Variants in WNT5B observed in about 807,000 individuals in gnomAD.
The protein encoded by WNT5B is protein Wnt-5b.
WNT5B carries 18 observed loss-of-function variants against 36.5 expected under a neutral mutation model. The ratio of observed to expected loss-of-function variants is 0.49; its 90% CI spans 0.34 to 0.73. WNT5B has a LOEUF of 0.73. Among genes scored for constraint, WNT5B ranks in the 30% least tolerant of loss-of-function variants. The pLI, the probability that WNT5B is intolerant of heterozygous loss-of-function variation, is 0.01. For synonymous variants in WNT5B, 213 were observed against 212.3 expected, an observed-to-expected ratio of 1.00 and a Z score of -0.03; for missense variants, 424 against 508.4, an observed-to-expected ratio of 0.83 and a Z score of 1.60.
At position 1,646,156 on chromosome 12, in the gene WNT5B, C is replaced by T. The variant is rs374148886; in HGVS notation, c.984C>T (p.Ser328=). The T allele has an allele frequency of 2.0e-5, 33 of 1,613,776 alleles. No individual in the cohort carries two copies. The highest frequency in any genetic ancestry group is 1.6e-4 in the East Asian group (7 of 44,890). ...GGCGTGGCTACAACCAGTTCAAGAG[C>T]GTGCAGGTGGAGCGCTGCCACTGCA... is the stretch of plus-strand genomic sequence containing the variant. ...CCGRGYNQFK[S]VQVERCHCKF... is the part of the protein sequence containing the mutation. Residue 328 remains serine, a synonymous_variant, in exon 5 of 5, where the codon AGC becomes AGT. Transcript: ENST00000397196.
chr12:1,642,576 C>T (rs965192783), intron 4 of WNT5B, among the ~76,000 whole-genome samples: 1 of 152,156 alleles, frequency 6.6e-6, no homozygotes, highest in African/African-American at 2.4e-5. Flanking sequence ...GTTGCCTCCT[C>T]GGGAGAGGTC....
chr12:1,642,289 C>T (rs962500541), intron 4 of WNT5B, among the ~76,000 whole-genome samples: 4 of 152,154 alleles, frequency 2.6e-5, no homozygotes, highest in Non-Finnish European at 4.4e-5. Flanking sequence ...GGTTAAGATC[C>T]GCACTTTATC....
rs1432069859 is a variant in WNT5B, at chr12:1,618,979, G to C, written c.-58+1836G>C. Among the ~76,000 whole-genome samples, 6 of 152,138 alleles carry C rather than the reference G, an allele frequency of 3.9e-5. No individual in the cohort carries two copies. Among genetic ancestry groups the C allele is most frequent in the African/African-American group, 1.4e-4 (6 of 41,438 alleles). On this transcript the variant is annotated intron_variant, in intron 1 of 4. Transcript: ENST00000310594. This position sits in a 1 kb window ranked among gnomAD's most constrained non-coding sequence, Gnocchi z 4.1. ...GCCACCCTGCACTGTGATTGGGTCT[G>C]TTTTGCTATATACTTCCCAAATTGT...
chr12:1,631,792 T>C (rs1285617927), intron 2 of WNT5B, among the ~76,000 whole-genome samples: 1 of 152,170 alleles, frequency 6.6e-6, no homozygotes, highest in African/African-American at 2.4e-5. Context: ...GCTGGTAGGA[T>C]ATAGAATTCC....
In WNT5B at chr12:1,618,771, A is replaced by G. The variant is rs2094530084; in HGVS notation, c.-58+1628A>G. ...GAGATCTGCCATTTCTGGGAATTGT[A>G]CAGGGACCCAGAGTCTTAGGGATCT... is the stretch of plus-strand genomic sequence containing the variant. On this transcript the variant is annotated intron_variant, in intron 1 of 4. Coordinates refer to the WNT5B transcript ENST00000310594. The surrounding 1 kb of genome is among the most constrained non-coding windows in gnomAD (Gnocchi z 4.1). Among the ~76,000 whole-genome samples, 1 of 152,158 alleles carries G rather than the reference A, an allele frequency of 6.6e-6. No individual in the cohort carries two copies.
At chr12:1,637,075 C>T (rs922819507) in intron 3 of WNT5B, among the ~76,000 whole-genome samples, 1 of 152,130 alleles carries the variant, frequency 6.6e-6, no homozygotes, top group African/African-American at 2.4e-5. Context: ...TGTTCTGAAA[C>T]TCCTGGCTTC....
Position 1,645,738 on chromosome 12 carries a change from T to G in WNT5B, c.622-56T>G, listed in dbSNP as rs1011763790. ...AGGCCTGTGGCTACCCCAGCCACCC[T>G]CTGGGCCTCTTCCACCGGGATCCTC... On this transcript the variant is annotated intron_variant, in intron 4 of 4. Coordinates refer to ENST00000397196, the MANE Select transcript of WNT5B (RefSeq NM_032642.3). 13 of 1,519,346 alleles carry G rather than the reference T, an allele frequency of 8.6e-6. No homozygotes were observed. In the Admixed American group the frequency reaches 2.6e-4, roughly 30 times the overall value. The allele number at this position is 1,519,346 out of a possible 1,614,324, so 94.1% of individuals were successfully genotyped here.
intron 1 of WNT5B, among the ~76,000 whole-genome samples, chr12:1,623,954 A>G (rs2154439328): frequency 6.6e-6 from 1 of 152,336 alleles, no homozygotes. Context: ...CTGTGTGTGT[A>G]TCTAAGTGTG....
At position 1,637,103 on chromosome 12, in the gene WNT5B, C is replaced by T. The variant is rs114476580; in HGVS notation, c.329-2581C>T. Among the ~76,000 whole-genome samples, 166 of 152,168 alleles carry T rather than the reference C, an allele frequency of 1.1e-3. 1 individual carries two copies. The highest frequency in any genetic ancestry group is 3.8e-3 in the African/African-American group (156 of 41,526). On this transcript the variant is annotated intron_variant, in intron 3 of 4. Coordinates refer to ENST00000397196, the MANE Select transcript of WNT5B (RefSeq NM_032642.3). ...CTGGCTTCAAGTGATCCTCCTGTCT[C>T]GGCCTCAAATTGCTGGGATTACAGG...
intron 1 of WNT5B, among the ~76,000 whole-genome samples, chr12:1,622,400 A>C (rs10848536): frequency 6.6e-6 from 1 of 151,964 alleles, no homozygotes; most frequent in African/African-American, 2.4e-5. Context: ...TTTTTACATT[A>C]TCTTATTAAG....
chr12:1,623,201 T>G (rs1220706968), intron 1 of WNT5B, among the ~76,000 whole-genome samples: 3 of 122,904 alleles, frequency 2.4e-5, no homozygotes, highest in Non-Finnish European at 5.2e-5. Context: ...TTTTTTTTTT[T>G]TTTTTTTTTT....
chr12:1,626,670 T>C (rs1246945558), upstream of WNT5B, among the ~76,000 whole-genome samples: 1 of 151,942 alleles, frequency 6.6e-6, no homozygotes, highest in Non-Finnish European at 1.5e-5. Context: ...GTTCACGCCA[T>C]TCTCCTGCCT....
chr12:1,618,985 C>T lies in WNT5B; in HGVS notation c.-58+1842C>T, dbSNP rs1291099468. The stretch of plus-strand genomic sequence containing the variant: ...CTGCACTGTGATTGGGTCTGTTTTG[C>T]TATATACTTCCCAAATTGTGTACCT... On this transcript the variant is annotated intron_variant, in intron 1 of 4. Transcript: ENST00000310594. The surrounding 1 kb of genome is among the most constrained non-coding windows in gnomAD (Gnocchi z 4.1). Among the ~76,000 whole-genome samples, 2 of 152,094 alleles carry T rather than the reference C, an allele frequency of 1.3e-5. No individual in the cohort carries two copies. Among genetic ancestry groups the T allele is most frequent in the African/African-American group, 2.4e-5 (1 of 41,420 alleles).
Position 1,644,058 on chromosome 12 carries a change from G to A in WNT5B, c.622-1736G>A, listed in dbSNP as rs1381951731. 9.2e-5 allele frequency among the ~76,000 whole-genome samples: 14 copies of A among 152,140 alleles called. No individual in the cohort carries two copies. The highest frequency in any genetic ancestry group is 2.4e-4 in the African/African-American group (10 of 41,424). On this transcript the variant is annotated intron_variant, in intron 4 of 4. Coordinates refer to ENST00000397196, the MANE Select transcript of WNT5B (RefSeq NM_032642.3). This position sits in a 1 kb window ranked among gnomAD's most constrained non-coding sequence, Gnocchi z 5.1. ...TTATCCGTGCTCCGAGTTGCTAAGT[G>A]GCAAAGTGCACAGTTTCCAACCCTT...
intron 4 of WNT5B, among the ~76,000 whole-genome samples, chr12:1,641,973 A>C (rs2094576262): frequency 1.3e-5 from 2 of 152,226 alleles, no homozygotes; most frequent in African/African-American, 4.8e-5. Flanking sequence ...CATCAGGTGG[A>C]GACCAGAGTG....
intron 3 of WNT5B, among the ~76,000 whole-genome samples, chr12:1,634,841 G>T (rs2094557683): frequency 6.6e-6 from 1 of 152,186 alleles, no homozygotes; most frequent in Non-Finnish European, 1.5e-5. Flanking sequence ...TCTGCCTAGG[G>T]AGTTTGGAGG....
intron 3 of WNT5B, among the ~76,000 whole-genome samples, chr12:1,639,288 C>G (rs1330373321): frequency 6.6e-6 from 1 of 151,470 alleles, no homozygotes; most frequent in Non-Finnish European, 1.5e-5. Context: ...CAGGCGCCCG[C>G]CACCACGCCC....
At position 1,645,902 on chromosome 12, in the gene WNT5B, C is replaced by G; in HGVS notation, c.730C>G (p.Arg244Gly). The change falls in exon 5 of 5, where the codon CGG becomes GGG. Residue 244 changes from arginine to glycine, a missense_variant. Transcript: ENST00000397196. Reference protein sequence around the residue: ...QLAEFRKVGDRLKEKYDSAAA... With the variant: ...QLAEFRKVGDGLKEKYDSAAA... ...GGCCGAGTTCCGCAAGGTCGGGGAC[C>G]GGCTGAAGGAGAAGTACGACAGCGC... 1.2e-6 allele frequency: 2 copies of G among 1,611,228 alleles called. No individual in the cohort carries two copies. Among genetic ancestry groups the G allele is most frequent in the Non-Finnish European group, 1.7e-6 (2 of 1,179,834 alleles).
Position 1,632,022 on chromosome 12 carries a change from A to T in WNT5B, c.80+588A>T, listed in dbSNP as rs2094551882. 6.6e-6 allele frequency among the ~76,000 whole-genome samples: 1 copy of T among 152,192 alleles called. No homozygotes were observed. The highest frequency in any genetic ancestry group is 2.4e-5 in the African/African-American group (1 of 41,458). On this transcript the variant is annotated intron_variant, in intron 2 of 4. Coordinates refer to ENST00000397196, the MANE Select transcript of WNT5B (RefSeq NM_032642.3). This position sits in a 1 kb window ranked among gnomAD's most constrained non-coding sequence, Gnocchi z 5.8. ...TATATGGCTGGTAGATGATGAGCAA[A>T]AGGGAGAGCCTCTGAACTGGTGGAG...
Sources: gnomAD v4.1 joint callset for allele counts (sites outside exome capture counted in the v4.1 genomes callset) on GRCh38, gnomAD v4.1.1 for gene constraint, Gnocchi (gnomAD v3.1) non-coding constraint, MANE v1.5 for transcripts, NCBI Gene and HGNC (gene_info 2026-07-23, HGNC 2026-07-21) for gene names.